Variants in SOX6 observed in about 807,000 individuals in gnomAD.
SOX6 encodes SRY-box transcription factor 6, also known as transcription factor SOX-6.
Under a neutral mutation model 97.8 loss-of-function variants are expected in SOX6, and 11 were observed. The observed-to-expected ratio is 0.11, with a 90% CI of 0.07 to 0.19. The LOEUF (loss-of-function observed/expected upper bound fraction) is 0.19. Among genes scored for constraint, SOX6 ranks in the 10% least tolerant of loss-of-function variants. The probability of loss-of-function intolerance (pLI) is 1.00; values close to 1 mark genes in which losing one functional copy is unlikely to be tolerated. For missense variants in SOX6, 810 were observed against 1,039.5 expected, an observed-to-expected ratio of 0.78 and a Z score of 3.04; for synonymous variants, 360 against 371.4, an observed-to-expected ratio of 0.97 and a Z score of 0.35.
intron 6 of SOX6, among the ~76,000 whole-genome samples, chr11:16,128,033 T>C (rs887063670): frequency 6.6e-6 from 1 of 152,176 alleles, no homozygotes; most frequent in African/African-American, 2.4e-5. Context: ...GTTAAAGATG[T>C]GGTGCTTTAA....
At position 16,613,506 on chromosome 11, in the gene SOX6, C is replaced by CG. The variant is rs1450888615; in HGVS notation, n.430-1247dup. On this transcript the variant is annotated intron_variant and non_coding_transcript_variant, in intron 3 of 5. Coordinates refer to the SOX6 transcript ENST00000524520. The surrounding 1 kb of genome is among the most constrained non-coding windows in gnomAD (Gnocchi z 4.6). Reference sequence around the variant, plus strand: ...GTTCCGAAGCCCCAGCCCGCTGGGTCGCTCGGCCTGAGGGCTCAGGTGATG... The same window carrying CG: ...GTTCCGAAGCCCCAGCCCGCTGGGTCGGCTCGGCCTGAGGGCTCAGGTGATG... Among the ~76,000 whole-genome samples the CG allele has an allele frequency of 6.6e-6, 1 of 152,070 alleles. No individual in the cohort carries two copies. Among genetic ancestry groups the CG allele is most frequent in the East Asian group, 1.9e-4 (1 of 5,154 alleles).
intron 14 of SOX6, 145 bp downstream of exon 14, chr11:15,988,852 C>T (rs1039673349): frequency 3.9e-6 from 3 of 759,878 alleles, no homozygotes; most frequent in African/African-American, 1.7e-5. Context: ...GACGAAGGCT[C>T]CTGCGGCAGC....
chr11:16,598,109 T>C (rs763092528), intron 4 of SOX6, among the ~76,000 whole-genome samples: 20 of 152,200 alleles, frequency 1.3e-4, no homozygotes, highest in South Asian at 8.3e-4. Context: ...ATGTATTAAA[T>C]GTTTATTTTA....
At chr11:16,004,074 T>C (rs1854482150) in intron 13 of SOX6, among the ~76,000 whole-genome samples, 1 of 151,824 alleles carries the variant, frequency 6.6e-6, no homozygotes, top group Non-Finnish European at 1.5e-5. Flanking sequence ...ATATATGTAC[T>C]GTATTCAAGT....
intron 6 of SOX6, 31 bp downstream of exon 6, chr11:16,183,855 T>A: frequency 6.3e-7 from 1 of 1,598,090 alleles, no homozygotes; most frequent in South Asian, 1.1e-5. Flanking sequence ...TATCTAAGTA[T>A]AATCAGACGA....
chr11:16,440,634 A>C (rs1425186106), intron 1 of SOX6, among the ~76,000 whole-genome samples: 3 of 152,110 alleles, frequency 2.0e-5, no homozygotes, highest in African/African-American at 7.2e-5. Context: ...ACAATGCAAA[A>C]ATTAGTATAA....
chr11:16,091,710 G>A (rs1252956077), intron 9 of SOX6, among the ~76,000 whole-genome samples: 1 of 151,966 alleles, frequency 6.6e-6, no homozygotes, highest in Non-Finnish European at 1.5e-5. Flanking sequence ...ATGGTTGACA[G>A]GTTTTCTTAG....
chr11:16,504,019 G>A (rs2133145778), intron 4 of SOX6, among the ~76,000 whole-genome samples: 1 of 150,876 alleles, frequency 6.6e-6, no homozygotes, highest in East Asian at 2.0e-4. Flanking sequence ...CTCCAGCCTG[G>A]GCAACAGAGT....
intron 3 of SOX6, among the ~76,000 whole-genome samples, chr11:16,695,501 T>C (rs574534827): frequency 6.6e-6 from 1 of 152,306 alleles, no homozygotes; most frequent in South Asian, 2.1e-4. Flanking sequence ...TGCATTTTAA[T>C]TTCATTTTAA....
chr11:16,117,928 CAT>C (rs1215902632), intron 6 of SOX6, among the ~76,000 whole-genome samples: 10 of 152,264 alleles, frequency 6.6e-5, no homozygotes, highest in East Asian at 3.9e-4. Flanking sequence ...CCAGTCTCCA[CAT>C]GTCTTTTCCA....
intron 3 of SOX6, among the ~76,000 whole-genome samples, chr11:16,675,389 G>A (rs1186947194): frequency 6.6e-6 from 1 of 152,088 alleles, no homozygotes; most frequent in Admixed American, 6.5e-5. Flanking sequence ...GGCCTCAAGT[G>A]ATCCTCCCAT....
intron 4 of SOX6, among the ~76,000 whole-genome samples, chr11:16,602,106 AT>A (rs1284375676): frequency 6.6e-6 from 1 of 152,190 alleles, no homozygotes; most frequent in African/African-American, 2.4e-5. Flanking sequence ...AAAGAACTCA[AT>A]TTTTTGTGCA....
rs201425325 is a variant in SOX6, at chr11:16,245,711, T to C, written c.446-11040A>G. Among the ~76,000 whole-genome samples the C allele has an allele frequency of 2.6e-5, 4 of 151,698 alleles. No homozygotes were observed. In the East Asian group the frequency reaches 5.8e-4, roughly 22 times the overall value. On this transcript the variant is annotated intron_variant, in intron 3 of 15. Coordinates refer to ENST00000683767, the MANE Select transcript of SOX6 (RefSeq NM_001367873.1). ...ATGTCCTTCTTTATCTCTGATAATA[T>C]TCCTTCTCCTGGAGTCTACTTTTAT...
intron 12 of SOX6, among the ~76,000 whole-genome samples, chr11:16,045,996 C>A (rs1221783702): frequency 1.3e-5 from 2 of 152,118 alleles, no homozygotes; most frequent in Admixed American, 1.3e-4. Flanking sequence ...ATCTCCAGCG[C>A]CTAGAACAGA....
intron 4 of SOX6, among the ~76,000 whole-genome samples, chr11:16,597,790 C>G (rs1252781967): frequency 6.6e-6 from 1 of 151,952 alleles, no homozygotes; most frequent in Admixed American, 6.6e-5. Context: ...ATAGCAATGA[C>G]AAATGAAATG....
chr11:16,074,336 C>G (rs1320681299), intron 9 of SOX6, among the ~76,000 whole-genome samples: 5 of 151,916 alleles, frequency 3.3e-5, no homozygotes, highest in Non-Finnish European at 1.5e-5. Flanking sequence ...AACTAGAAAA[C>G]TTAGAAAAAA....
At chr11:16,081,921 G>A (rs1848480527) in intron 9 of SOX6, among the ~76,000 whole-genome samples, 2 of 152,122 alleles carry the variant, frequency 1.3e-5, no homozygotes, top group Admixed American at 1.3e-4. Flanking sequence ...TACAAAAGGA[G>A]CATTCTTGTC....
chr11:16,542,763 A>T (rs1223210091), intron 4 of SOX6, among the ~76,000 whole-genome samples: 1 of 152,170 alleles, frequency 6.6e-6, no homozygotes, highest in Non-Finnish European at 1.5e-5. Context: ...CTAATATAAC[A>T]TGAATAAAAA....
chr11:16,483,076 C>T (rs1471571867), intron 4 of SOX6, among the ~76,000 whole-genome samples: 1 of 152,168 alleles, frequency 6.6e-6, no homozygotes, highest in African/African-American at 2.4e-5. Flanking sequence ...GTTTTGACAA[C>T]ACACCCTGTG....
Sources: allele counts gnomAD v4.1 joint callset (sites outside exome capture counted in the v4.1 genomes callset), GRCh38; gene constraint gnomAD v4.1.1; non-coding constraint Gnocchi (gnomAD v3.1); transcripts MANE v1.5; gene names NCBI Gene and HGNC (gene_info 2026-07-23, HGNC 2026-07-21).